The following SCHIP1 variants were observed in gnomAD, a reference collection of about 807,000 sequenced individuals.
SCHIP1 encodes the protein schwannomin interacting protein 1.
Under a neutral mutation model 29.7 loss-of-function variants are expected in SCHIP1, and 8 were observed. That is an observed-to-expected ratio of 0.27 (90% CI 0.16 to 0.49). SCHIP1 has a LOEUF of 0.49. Ranked by LOEUF, SCHIP1 falls within the 20% of genes least tolerant of loss-of-function variation. SCHIP1 has a pLI of 0.99. For synonymous variants in SCHIP1, 76 were observed against 94.9 expected (o/e 0.80, Z 1.16); for missense variants, 193 against 294.6 (o/e 0.66, Z 2.52).
chr3:159,786,685 GTGTGTGTGTGTCTGCGCGTGTGCAC>G, the SCHIP1 span, among the ~76,000 whole-genome samples: 5 of 133,474 alleles, frequency 3.7e-5, no homozygotes, highest in Non-Finnish European at 8.0e-5. Context: ...GTGTGTGTGT[GTGTGTGTGTGTCTGCGCGTGTGCAC>G]TGTGTGTGTG....
At chr3:159,383,219 T>A in the SCHIP1 span, among the ~76,000 whole-genome samples, 1 of 151,602 alleles carries the variant, frequency 6.6e-6, no homozygotes, top group Non-Finnish European at 1.5e-5. Flanking sequence ...TAGGTTTTCT[T>A]CTAGGGTTTT....
At chr3:159,500,765 A>C in the SCHIP1 span, among the ~76,000 whole-genome samples, 1,201 of 152,014 alleles carry the variant, frequency 7.9e-3, 21 homozygotes, top group African/African-American at 0.027. Flanking sequence ...CCCATATGCT[A>C]ATATGTTGCA....
the SCHIP1 span, among the ~76,000 whole-genome samples, chr3:159,732,237 G>T: frequency 2.6e-5 from 4 of 152,244 alleles, no homozygotes; most frequent in African/African-American, 9.6e-5. Context: ...AGCCTGGCAG[G>T]CAATGTCAAG....
intron 5 of SCHIP1, among the ~76,000 whole-genome samples, chr3:159,891,169 A>G (rs183210790): frequency 1.8e-3 from 275 of 152,268 alleles, no homozygotes; most frequent in Non-Finnish European, 3.4e-3. Flanking sequence ...CAGGAGATCA[A>G]GACCATCCTG....
chr3:159,489,607 A>G, the SCHIP1 span, among the ~76,000 whole-genome samples: 1 of 152,220 alleles, frequency 6.6e-6, no homozygotes, highest in Non-Finnish European at 1.5e-5. Context: ...ATACTTGTAC[A>G]TAAGAATTAC....
chr3:159,319,778 T>C, the SCHIP1 span, among the ~76,000 whole-genome samples: 2 of 152,356 alleles, frequency 1.3e-5, no homozygotes, highest in African/African-American at 4.8e-5. Flanking sequence ...GTAAAATTCA[T>C]GATAAAAGCA....
chr3:159,277,119 C>T, the SCHIP1 span, among the ~76,000 whole-genome samples: 29 of 152,142 alleles, frequency 1.9e-4, no homozygotes, highest in African/African-American at 5.8e-4. Context: ...TTTTAGTGCT[C>T]GATCTCTGAC....
chr3:159,783,910 G>A, the SCHIP1 span, among the ~76,000 whole-genome samples: 1 of 152,018 alleles, frequency 6.6e-6, no homozygotes, highest in Non-Finnish European at 1.5e-5. Context: ...AAGTAAAGGC[G>A]TTGTAATGCC....
the SCHIP1 span, among the ~76,000 whole-genome samples, chr3:159,318,710 C>T: frequency 6.6e-6 from 1 of 152,164 alleles, no homozygotes; most frequent in Non-Finnish European, 1.5e-5. Flanking sequence ...GCCACTTCCT[C>T]ATGTAACTTA....
chr3:159,760,246 G>C, the SCHIP1 span, among the ~76,000 whole-genome samples: 1 of 152,190 alleles, frequency 6.6e-6, no homozygotes, highest in East Asian at 1.9e-4. Context: ...GGGAACAGCT[G>C]TTCTTGCCAG....
At chr3:159,793,887 G>C in the SCHIP1 span, among the ~76,000 whole-genome samples, 3 of 152,110 alleles carry the variant, frequency 2.0e-5, no homozygotes, top group Non-Finnish European at 2.9e-5. Flanking sequence ...ATTTCTGGAG[G>C]CTGCTTGCAT....
chr3:159,320,331 A>T, the SCHIP1 span, among the ~76,000 whole-genome samples: 1 of 152,194 alleles, frequency 6.6e-6, no homozygotes, highest in African/African-American at 2.4e-5. Flanking sequence ...GTGAGAAGTC[A>T]GCTGTCTGTA....
the SCHIP1 span, among the ~76,000 whole-genome samples, chr3:159,404,724 G>A: frequency 7.2e-5 from 11 of 152,342 alleles, no homozygotes; most frequent in Admixed American, 6.5e-4. Context: ...CTCTCTGAAG[G>A]GAAAGATGCA....
the SCHIP1 span, among the ~76,000 whole-genome samples, chr3:159,753,782 T>C: frequency 2.6e-5 from 4 of 152,216 alleles, no homozygotes; most frequent in Non-Finnish European, 5.9e-5. Flanking sequence ...ACCATCAGCT[T>C]ACCACTGTTT....
the SCHIP1 span, among the ~76,000 whole-genome samples, chr3:159,432,667 A>G: frequency 9.8e-5 from 15 of 152,324 alleles, no homozygotes; most frequent in Non-Finnish European, 2.2e-4. Flanking sequence ...GAGATTCATT[A>G]GGTGTGAAAT....
the SCHIP1 span, among the ~76,000 whole-genome samples, chr3:159,342,164 A>G: frequency 6.6e-6 from 1 of 152,148 alleles, no homozygotes; most frequent in Non-Finnish European, 1.5e-5. Flanking sequence ...TGCAGCCTGG[A>G]GTGGAACAGA....
chr3:159,320,915 T>C, the SCHIP1 span, among the ~76,000 whole-genome samples: 2 of 152,096 alleles, frequency 1.3e-5, no homozygotes, highest in Non-Finnish European at 2.9e-5. Context: ...ATGCAATAAA[T>C]TTAAAGTACC....
the SCHIP1 span, among the ~76,000 whole-genome samples, chr3:159,421,255 T>A: frequency 6.6e-6 from 1 of 152,232 alleles, no homozygotes; most frequent in Admixed American, 6.5e-5. Flanking sequence ...AGCTGGAATG[T>A]ATATTTTACA....
chr3:159,577,538 T>G, the SCHIP1 span, among the ~76,000 whole-genome samples: 1 of 152,158 alleles, frequency 6.6e-6, no homozygotes, highest in Non-Finnish European at 1.5e-5. Context: ...AACTCCTTTT[T>G]ATGTGTATGA....
Sources: allele counts gnomAD v4.1 joint callset (sites outside exome capture counted in the v4.1 genomes callset), GRCh38; gene constraint gnomAD v4.1.1; transcripts MANE v1.5; gene names NCBI Gene and HGNC (gene_info 2026-07-23, HGNC 2026-07-21).